Variants in ZHX3 observed in about 807,000 individuals in gnomAD.
ZHX3 encodes the protein zinc fingers and homeoboxes 3, also known as zinc fingers and homeoboxes protein 3.
A neutral mutation model predicts 64.5 loss-of-function variants in ZHX3; 20 were observed. The ratio of observed to expected loss-of-function variants is 0.31; its 90% CI spans 0.22 to 0.45. The LOEUF is 0.45. ZHX3 is among the 20% of genes least tolerant of loss of function. The pLI is 1.00. For missense variants in ZHX3, 1,041 were observed against 1,195.8 expected, an observed-to-expected ratio of 0.87 and a Z score of 1.91; for synonymous variants, 423 against 461.6, an observed-to-expected ratio of 0.92 and a Z score of 1.07.
chr20:41,186,519 G>A (rs1362863282), intron 3 of ZHX3, among the ~76,000 whole-genome samples: 1 of 152,190 alleles, frequency 6.6e-6, no homozygotes, highest in Non-Finnish European at 1.5e-5. Context: ...GAGTGAAATT[G>A]CTGGATCACA....
chr20:41,306,785 G>T (rs1243249244), intron 1 of ZHX3, among the ~76,000 whole-genome samples: 3 of 152,200 alleles, frequency 2.0e-5, no homozygotes, highest in African/African-American at 7.2e-5. Flanking sequence ...TTCCCAAGGG[G>T]ATCAAAATTC....
chr20:41,199,845 C>T (rs1165206785), intron 3 of ZHX3, among the ~76,000 whole-genome samples: 1 of 152,028 alleles, frequency 6.6e-6, no homozygotes, highest in Non-Finnish European at 1.5e-5. Context: ...GGATTACAGG[C>T]ACTCACCAAC....
chr20:41,198,482 GGTT>G (rs1199694587), intron 3 of ZHX3, among the ~76,000 whole-genome samples: 2 of 151,404 alleles, frequency 1.3e-5, no homozygotes, highest in Non-Finnish European at 2.9e-5. Flanking sequence ...TTGGTTTAGA[GGTT>G]TTTTTTTTTT....
Position 41,178,489 on chromosome 20 carries a change from G to C in ZHX3, c.*6702C>G, listed in dbSNP as rs963671488. On this transcript the variant is annotated 3_prime_UTR_variant, in exon 4 of 4. Transcript: ENST00000683867. ...GTTTTTATTTAGGAATAATCAAAAG[G>C]TTTGAAGTACCATTGAGGCCCATTT... The C allele has an allele frequency of 2.0e-5, 3 of 152,582 alleles. No homozygotes were observed. The highest frequency in any genetic ancestry group is 4.4e-5 in the Non-Finnish European group (3 of 68,042). The allele number at this position is 152,582 out of a possible 1,614,324, so 9.5% of individuals were successfully genotyped here. A position where few individuals can be genotyped will look rare whatever the true frequency, so the allele number is the denominator to read the frequency against.
intron 2 of ZHX3, chr20:41,254,783 T>A (rs1436574404): frequency 6.6e-6 from 1 of 152,214 alleles, no homozygotes; most frequent in African/African-American, 2.4e-5. Flanking sequence ...GAATTCACTA[T>A]GCTGGATACT....
chr20:41,213,622 G>C (rs1468371038), intron 2 of ZHX3: 1 of 152,750 alleles, frequency 6.5e-6, no homozygotes, highest in African/African-American at 2.4e-5. Context: ...TAACTGCAGA[G>C]CCCTAGCAAC....
chr20:41,268,434 A>G (rs2042968719), intron 2 of ZHX3, among the ~76,000 whole-genome samples: 3 of 152,186 alleles, frequency 2.0e-5, no homozygotes, highest in Admixed American at 2.0e-4. Flanking sequence ...TTAAATTTTA[A>G]TATGTTTTGT....
At chr20:41,290,068 T>A (rs549700289) in intron 1 of ZHX3, among the ~76,000 whole-genome samples, 48 of 152,352 alleles carry the variant, frequency 3.2e-4, no homozygotes, top group African/African-American at 1.1e-3. Context: ...ATCTGCTTAG[T>A]CTGTAGTCAC....
intron 1 of ZHX3, among the ~76,000 whole-genome samples, chr20:41,277,009 G>A (rs1171453324): frequency 6.6e-6 from 1 of 152,156 alleles, no homozygotes; most frequent in Non-Finnish European, 1.5e-5. Flanking sequence ...AATAAAATGT[G>A]GAGTTCTAGA....
chr20:41,271,100 A>G (rs1415118759), intron 1 of ZHX3, among the ~76,000 whole-genome samples: 1 of 152,164 alleles, frequency 6.6e-6, no homozygotes, highest in Non-Finnish European at 1.5e-5. Flanking sequence ...GGCTCACTGC[A>G]ACCTCCGCCT....
chr20:41,214,926 C>G (rs2039413195), intron 2 of ZHX3, among the ~76,000 whole-genome samples: 1 of 152,202 alleles, frequency 6.6e-6, no homozygotes, highest in South Asian at 2.1e-4. Flanking sequence ...CAATCCTTTA[C>G]ATGCCCCATC....
Position 41,193,971 on chromosome 20 carries a change from A to G in ZHX3, c.2860+8086T>C, listed in dbSNP as rs370747758. On this transcript the variant is annotated intron_variant, in intron 3 of 3. Transcript: ENST00000683867. ...TGCCTTGGCCTCTCAAAGTGCTGGG[A>G]TTACAGGCGTGAGCTACCACAACTG... Among the ~76,000 whole-genome samples the G allele has an allele frequency of 3.5e-4, 54 of 152,280 alleles. 1 individual carries two copies. In the East Asian group the frequency reaches 4.8e-3, roughly 14 times the overall value.
intron 2 of ZHX3, chr20:41,238,859 G>A (rs933595977): frequency 6.6e-6 from 1 of 152,058 alleles, no homozygotes; most frequent in Non-Finnish European, 1.5e-5. Flanking sequence ...TAAGATGCAA[G>A]TAAGAAACCT....
At chr20:41,220,692 T>TTTTTG (rs922383222) in intron 2 of ZHX3, among the ~76,000 whole-genome samples, 3 of 151,924 alleles carry the variant, frequency 2.0e-5, no homozygotes, top group African/African-American at 7.3e-5. Flanking sequence ...TTTTGTTTTG[T>TTTTTG]TTTTGTTTTG....
At chr20:41,191,875 C>T (rs1330183299) in intron 3 of ZHX3, among the ~76,000 whole-genome samples, 1 of 152,152 alleles carries the variant, frequency 6.6e-6, no homozygotes, top group African/African-American at 2.4e-5. Flanking sequence ...TCTCCAGGCA[C>T]CAGTGGTAGC....
intron 1 of ZHX3, among the ~76,000 whole-genome samples, chr20:41,271,102 C>T (rs890419329): frequency 1.3e-5 from 2 of 152,176 alleles, no homozygotes; most frequent in Non-Finnish European, 2.9e-5. Context: ...CTCACTGCAA[C>T]CTCCGCCTCC....
intron 2 of ZHX3, among the ~76,000 whole-genome samples, chr20:41,243,588 A>C (rs908127708): frequency 1.3e-5 from 2 of 152,182 alleles, no homozygotes. Flanking sequence ...ATAGTTGGAT[A>C]CCAGACTGAA....
intron 3 of ZHX3, among the ~76,000 whole-genome samples, chr20:41,193,726 G>C (rs1453676491): frequency 1.8e-5 from 2 of 113,268 alleles, no homozygotes; most frequent in East Asian, 5.4e-4. Context: ...TTTTTTTTTT[G>C]AGAAGGAGTC....
intron 1 of ZHX3, chr20:41,272,363 T>G (rs181053724): frequency 6.6e-5 from 10 of 152,298 alleles, no homozygotes; most frequent in African/African-American, 2.2e-4. Context: ...TTTTAAAAAT[T>G]GAAAATTCAT....
Sources: allele counts gnomAD v4.1 joint callset (sites outside exome capture counted in the v4.1 genomes callset), GRCh38; gene constraint gnomAD v4.1.1; transcripts MANE v1.5; gene names NCBI Gene and HGNC (gene_info 2026-07-23, HGNC 2026-07-21).